The following SLC25A13 variants were observed in gnomAD, a reference collection of about 807,000 sequenced individuals.
SLC25A13 encodes the protein electrogenic aspartate/glutamate antiporter SLC25A13, mitochondrial.
In SLC25A13, 70 loss-of-function variants were observed where a neutral mutation model predicts 85.5. That is an observed-to-expected ratio of 0.82 (90% CI 0.68 to 1.00). The LOEUF (loss-of-function observed/expected upper bound fraction) is 1.00, where lower values mean the gene tolerates loss of function less well. Among genes scored for constraint, SLC25A13 ranks in the 50% least tolerant of loss-of-function variants. The pLI is 0.00. For synonymous variants in SLC25A13, 259 were observed against 288.7 expected (o/e 0.90, Z 1.04); for missense variants, 765 against 819.8 (o/e 0.93, Z 0.82).
chr7:96,274,474 T>G (rs1325375034), intron 3 of SLC25A13, among the ~76,000 whole-genome samples: 13 of 152,186 alleles, frequency 8.5e-5, no homozygotes. Flanking sequence ...TTCACTCTGA[T>G]GGTAGTTTCT....
At position 96,277,207 on chromosome 7, in the gene SLC25A13, C is replaced by A; in HGVS notation, c.201G>T (p.Gln67His). The change falls in exon 3 of 18, where the codon CAG becomes CAT. Residue 67 changes from glutamine (Q) to histidine (H), a missense_variant. Coordinates refer to ENST00000265631, the MANE Select transcript of SLC25A13 (RefSeq NM_014251.3). ...TVELLSGVVD[Q>H]TKDGLISFQE... ...AAAAATAAACATACCCATCTTTGGT[C>A]TGATCCACCACTCCACTTAAAAGTT... 1 of 1,593,638 alleles carries A rather than the reference C, an allele frequency of 6.3e-7. No homozygotes were observed. The highest frequency in any genetic ancestry group is 1.1e-5 in the South Asian group (1 of 88,314).
chr7:96,164,176 A>T (rs1562806946), intron 13 of SLC25A13, among the ~76,000 whole-genome samples: 1 of 152,062 alleles, frequency 6.6e-6, no homozygotes, highest in Non-Finnish European at 1.5e-5. Context: ...AACCTCAAAA[A>T]CTGGGCCTGA....
At chr7:96,173,364 T>A (rs1252036777) in intron 11 of SLC25A13, among the ~76,000 whole-genome samples, 2 of 152,186 alleles carry the variant, frequency 1.3e-5, no homozygotes, top group African/African-American at 4.8e-5. Context: ...GATAAAGTAA[T>A]TTCTTCCAAG....
At chr7:96,189,197 T>G in intron 9 of SLC25A13, 97 bp downstream of exon 9, 2 of 1,010,094 alleles carry the variant, frequency 2.0e-6, no homozygotes, top group Non-Finnish European at 3.1e-6. Flanking sequence ...AATGGTTAAG[T>G]CAGATACCAA....
intron 2 of SLC25A13, among the ~76,000 whole-genome samples, chr7:96,286,981 G>C (rs1798915872): frequency 6.6e-6 from 1 of 152,236 alleles, no homozygotes; most frequent in African/African-American, 2.4e-5. Context: ...GGTTAGCAGA[G>C]AGAAGGCTGG....
intron 9 of SLC25A13, among the ~76,000 whole-genome samples, chr7:96,186,247 T>C (rs750011298): frequency 6.6e-6 from 1 of 152,072 alleles, no homozygotes; most frequent in Non-Finnish European, 1.5e-5. Context: ...CTGACCACCA[T>C]GGAGAAACCC....
chr7:96,268,908 C>T (rs1172877284), intron 3 of SLC25A13, among the ~76,000 whole-genome samples: 2 of 152,192 alleles, frequency 1.3e-5, no homozygotes, highest in African/African-American at 2.4e-5. Context: ...TGTACTCCCA[C>T]CTCCAACTCC....
At chr7:96,137,167 G>C (rs1236923611) in intron 14 of SLC25A13, among the ~76,000 whole-genome samples, 1 of 152,190 alleles carries the variant, frequency 6.6e-6, no homozygotes, top group Non-Finnish European at 1.5e-5. Context: ...ACATGGCTGA[G>C]ATTTGAGGAG....
Position 96,322,003 on chromosome 7 carries a change from C to G in SLC25A13, c.-47G>C. 1 of 1,533,152 alleles carries G rather than the reference C, an allele frequency of 6.5e-7. No homozygotes were observed. Among genetic ancestry groups the G allele is most frequent in the Middle Eastern group, 1.8e-4 (1 of 5,580 alleles). 95.0% of individuals were successfully genotyped at this position (1,533,152 alleles called of 1,614,324 possible). ...ACTGCGGGACCCACTGACTGGCTGG[C>G]TGGCGTTTGGGACCCGGGCGGCTCA... On this transcript the variant is annotated 5_prime_UTR_variant, in exon 1 of 18. Coordinates refer to ENST00000265631, the MANE Select transcript of SLC25A13 (RefSeq NM_014251.3).
At chr7:96,142,027 T>C (rs1413578534) in intron 14 of SLC25A13, among the ~76,000 whole-genome samples, 1 of 152,248 alleles carries the variant, frequency 6.6e-6, no homozygotes, top group South Asian at 2.1e-4. Context: ...CCATAGTTAT[T>C]AAATAAAATG....
At chr7:96,301,309 G>A (rs1468094218) in intron 1 of SLC25A13, among the ~76,000 whole-genome samples, 1 of 152,082 alleles carries the variant, frequency 6.6e-6, no homozygotes, top group African/African-American at 2.4e-5. Flanking sequence ...TACTTTCACT[G>A]TTACATTTTT....
At chr7:96,321,188 C>G (rs548771162) in intron 1 of SLC25A13, among the ~76,000 whole-genome samples, 1 of 152,316 alleles carries the variant, frequency 6.6e-6, no homozygotes, top group East Asian at 1.9e-4. Context: ...TGCCTTTCCT[C>G]TGGGTTAGTG....
intron 2 of SLC25A13, among the ~76,000 whole-genome samples, chr7:96,287,530 G>A: frequency 6.6e-6 from 1 of 152,186 alleles, no homozygotes; most frequent in East Asian, 1.9e-4. Context: ...AGGTCTACCT[G>A]ATCAATTAGA....
At chr7:96,186,470 A>T (rs1343179475) in intron 9 of SLC25A13, among the ~76,000 whole-genome samples, 1 of 152,184 alleles carries the variant, frequency 6.6e-6, no homozygotes, top group Non-Finnish European at 1.5e-5. Context: ...CATGCATGTA[A>T]CAAGCTACAA....
At chr7:96,269,595 C>A (rs1396149423) in intron 3 of SLC25A13, among the ~76,000 whole-genome samples, 2 of 152,194 alleles carry the variant, frequency 1.3e-5, no homozygotes, top group Non-Finnish European at 2.9e-5. Context: ...GTATTCATTT[C>A]CTGGGGCTGC....
rs78247004 is a variant in SLC25A13 at position 96,191,188 on chromosome 7, C to A, written c.675G>T (p.Ser225=). 3.1e-6 allele frequency: 5 copies of A among 1,613,758 alleles called. No individual in the cohort carries two copies. Among genetic ancestry groups the A allele is most frequent in the Admixed American group, 3.3e-5 (2 of 59,980 alleles). ...TAATGAGTTCCATGTTGTTAAGGAGCGAATTAAATCCATTAAAATAGGAGA... is the reference window on the plus strand; with the variant it reads ...TAATGAGTTCCATGTTGTTAAGGAGAGAATTAAATCCATTAAAATAGGAGA... ...VSFSYFNGFN[S]LLNNMELIRK... The change falls in exon 7 of 18, where the codon TCG becomes TCT. Residue 225 remains serine (S), a synonymous_variant. Transcript: ENST00000265631.
chr7:96,137,425 T>C (rs905544873), intron 14 of SLC25A13, among the ~76,000 whole-genome samples: 12 of 152,250 alleles, frequency 7.9e-5, no homozygotes, highest in African/African-American at 2.9e-4. Flanking sequence ...TTGACAACTC[T>C]GTTTCTTGTA....
intron 15 of SLC25A13, among the ~76,000 whole-genome samples, chr7:96,129,769 G>A (rs1194519895): frequency 6.6e-6 from 1 of 152,186 alleles, no homozygotes; most frequent in Non-Finnish European, 1.5e-5. Context: ...GAGAGGGAAT[G>A]AATAATGTGT....
At chr7:96,308,334 T>C (rs1382446952) in intron 1 of SLC25A13, among the ~76,000 whole-genome samples, 3 of 152,348 alleles carry the variant, frequency 2.0e-5, no homozygotes, top group East Asian at 1.9e-4. Flanking sequence ...GCCTAGCTGA[T>C]TGAGGCAGCA....
Sources: gnomAD v4.1 joint callset for allele counts (sites outside exome capture counted in the v4.1 genomes callset) on GRCh38, gnomAD v4.1.1 for gene constraint, MANE v1.5 for transcripts, NCBI Gene and HGNC (gene_info 2026-07-23, HGNC 2026-07-21) for gene names.